Variants in PCDHGA5 observed in about 807,000 individuals in gnomAD.
PCDHGA5 encodes the protein protocadherin gamma-A5.
A neutral mutation model predicts 56.7 loss-of-function variants in PCDHGA5; 36 were observed. That is an observed-to-expected ratio of 0.64 (90% CI 0.49 to 0.84). The LOEUF is 0.84. Ranked by LOEUF, PCDHGA5 falls within the 40% of genes least tolerant of loss-of-function variation. PCDHGA5 has a pLI of 0.00. For synonymous variants in PCDHGA5, 563 were observed against 520.2 expected (o/e 1.08, Z -1.12); for missense variants, 1,305 against 1,201.5 (o/e 1.09, Z -1.27).
chr5:141,470,550 A>G (rs899475300), intron 1 of PCDHGA5, among the ~76,000 whole-genome samples: 1 of 152,120 alleles, frequency 6.6e-6, no homozygotes, highest in Non-Finnish European at 1.5e-5. Flanking sequence ...ATTTATTGAG[A>G]GTTTCCTCTG....
chr5:141,476,596 C>T lies in PCDHGA5; in HGVS notation c.2422-18211C>T. 1 of 1,614,224 alleles carries T rather than the reference C, an allele frequency of 6.2e-7. No homozygotes were observed. Among genetic ancestry groups the T allele is most frequent in the Non-Finnish European group, 8.5e-7 (1 of 1,180,038 alleles). On this transcript the variant is annotated intron_variant, in intron 1 of 3. Coordinates refer to ENST00000518069, the MANE Select transcript of PCDHGA5 (RefSeq NM_018918.3). The surrounding 1 kb of genome is among the most constrained non-coding windows in gnomAD (Gnocchi z 7.6). The stretch of plus-strand genomic sequence containing the variant: ...CGCGCTTTCCGCTCGAGAGCGCGCA[C>T]GATCCCGATGTGGGAAGCAACTCTT...
At chr5:141,430,931 G>C (rs781580216) in intron 1 of PCDHGA5, 2 of 1,607,530 alleles carry the variant, frequency 1.2e-6, no homozygotes, top group Admixed American at 1.7e-5. Flanking sequence ...GGAGCCCCGG[G>C]AGCTCGCGGA....
chr5:141,491,114 C>T lies in PCDHGA5; in HGVS notation c.2422-3693C>T, dbSNP rs1240431232. 1 of 1,614,104 alleles carries T rather than the reference C, an allele frequency of 6.2e-7. No homozygotes were observed. Among genetic ancestry groups the T allele is most frequent in the Admixed American group, 1.7e-5 (1 of 60,012 alleles). ...GGACTGTTCCTCGTGTCTACACACA[C>T]TGGTGAGGTGCGCACAGCCCGGGCC... On this transcript the variant is annotated intron_variant, in intron 1 of 3. Transcript: ENST00000518069. The surrounding 1 kb of genome is among the most constrained non-coding windows in gnomAD (Gnocchi z 6.9).
intron 1 of PCDHGA5, among the ~76,000 whole-genome samples, chr5:141,469,172 A>C (rs1310781965): frequency 6.6e-6 from 1 of 152,050 alleles, no homozygotes; most frequent in Admixed American, 6.6e-5. Context: ...GCTACTTGGG[A>C]GGCTGAGGCA....
intron 1 of PCDHGA5, chr5:141,424,783 T>C (rs1285808638): frequency 1.3e-5 from 2 of 152,212 alleles, no homozygotes; most frequent in African/African-American, 4.8e-5. Flanking sequence ...TACATTCAGT[T>C]CTTTTATTCA....
At chr5:141,465,293 G>A (rs1407146382) in intron 1 of PCDHGA5, among the ~76,000 whole-genome samples, 2 of 152,258 alleles carry the variant, frequency 1.3e-5, no homozygotes, top group South Asian at 2.1e-4. Flanking sequence ...AAAGAACTGA[G>A]AGTCCTGGGA....
At position 141,431,735 on chromosome 5, in the gene PCDHGA5, G is replaced by A. The variant is rs2097411908; in HGVS notation, c.2422-63072G>A. 1.2e-6 allele frequency: 2 copies of A among 1,614,118 alleles called. No homozygotes were observed. Among genetic ancestry groups the A allele is most frequent in the Non-Finnish European group, 1.7e-6 (2 of 1,180,056 alleles). On this transcript the variant is annotated intron_variant, in intron 1 of 3. Transcript: ENST00000518069. The surrounding 1 kb of genome is among the most constrained non-coding windows in gnomAD (Gnocchi z 4.8). ...GGAAGTGCAAGCAATGGATAATGCAGGATATTCTGCGCGAGCCAAAGTCCT... is the reference window on the plus strand; with the variant it reads ...GGAAGTGCAAGCAATGGATAATGCAAGATATTCTGCGCGAGCCAAAGTCCT...
intron 2 of PCDHGA5, among the ~76,000 whole-genome samples, chr5:141,502,828 G>T (rs928458403): frequency 6.6e-6 from 1 of 150,704 alleles, no homozygotes; most frequent in Non-Finnish European, 1.5e-5. Context: ...CCTTGGGGAA[G>T]CCTGGACTGG....
rs189405542 is a variant in PCDHGA5, at chr5:141,370,398, G to A, written c.2421+3647G>A. On this transcript the variant is annotated intron_variant, in intron 1 of 3. Transcript: ENST00000518069. ...AGGCAAAGGCGCAGAGAGCGGGATG[G>A]GAAATAGCTCCGGATGGAGGGGCCC... 5 of 1,550,336 alleles carry A rather than the reference G, an allele frequency of 3.2e-6. No individual in the cohort carries two copies. In the Admixed American group the frequency reaches 1.0e-4, roughly 32 times the overall value.
Position 141,491,456 on chromosome 5 carries a change from C to A in PCDHGA5, c.2422-3351C>A. ...TGCAGGCGCCAGGACTCACCCTCCC[C>A]GGACTTCTATAAGCAGTCCAGCCCC... On this transcript the variant is annotated intron_variant, in intron 1 of 3. Coordinates refer to ENST00000518069, the MANE Select transcript of PCDHGA5 (RefSeq NM_018918.3). The surrounding 1 kb of genome is among the most constrained non-coding windows in gnomAD (Gnocchi z 6.9). 1.2e-6 allele frequency: 2 copies of A among 1,614,104 alleles called. No homozygotes were observed.
At chr5:141,460,438 T>A (rs1035541143) in intron 1 of PCDHGA5, among the ~76,000 whole-genome samples, 16 of 152,172 alleles carry the variant, frequency 1.1e-4, no homozygotes, top group African/African-American at 3.1e-4. Flanking sequence ...TGGTGTGAGG[T>A]AACAATGAAG....
At chr5:141,461,185 C>T (rs2154567265) in intron 1 of PCDHGA5, among the ~76,000 whole-genome samples, 1 of 152,134 alleles carries the variant, frequency 6.6e-6, no homozygotes, top group East Asian at 1.9e-4. Context: ...AATGGTAGAT[C>T]TGTTTTTTGC....
At position 141,486,634 on chromosome 5, in the gene PCDHGA5, T is replaced by C; in HGVS notation, c.2422-8173T>C. 1 of 1,613,762 alleles carries C rather than the reference T, an allele frequency of 6.2e-7. No individual in the cohort carries two copies. The highest frequency in any genetic ancestry group is 8.5e-7 in the Non-Finnish European group (1 of 1,180,044). ...CCTCTGACCCAGACTCTGGCTTGAA[T>C]GCGCTTATCTCCTACTCACTCCTGG... On this transcript the variant is annotated intron_variant, in intron 1 of 3. Coordinates refer to ENST00000518069, the MANE Select transcript of PCDHGA5 (RefSeq NM_018918.3). The surrounding 1 kb of genome is among the most constrained non-coding windows in gnomAD (Gnocchi z 5.0).
chr5:141,486,844 C>T lies in PCDHGA5; in HGVS notation c.2422-7963C>T, dbSNP rs150549306. The T allele has an allele frequency of 1.1e-5, 17 of 1,614,220 alleles. No homozygotes were observed. The highest frequency in any genetic ancestry group is 1.4e-5 in the Non-Finnish European group (16 of 1,180,026). ...TAACAGTTCGTCTATTTGTGCTGGACCTCAATGACAATGCTCCAGCTGTGC... is the reference window on the plus strand; with the variant it reads ...TAACAGTTCGTCTATTTGTGCTGGATCTCAATGACAATGCTCCAGCTGTGC... On this transcript the variant is annotated intron_variant, in intron 1 of 3. Transcript: ENST00000518069. The surrounding 1 kb of genome is among the most constrained non-coding windows in gnomAD (Gnocchi z 5.0).
In PCDHGA5 at chr5:141,384,747, CTT is replaced by C. The variant is rs1040265836; in HGVS notation, c.2421+17998_2421+17999del. Reference sequence around the variant, plus strand: ...TGCTTAAGGCCAGCGAGCCAGGACTCTTTGCGGTTGGGCTGTACACGGGCGAG... The same window carrying C: ...TGCTTAAGGCCAGCGAGCCAGGACTCTGCGGTTGGGCTGTACACGGGCGAG... On this transcript the variant is annotated intron_variant, in intron 1 of 3. Coordinates refer to ENST00000518069, the MANE Select transcript of PCDHGA5 (RefSeq NM_018918.3). 2.2e-5 allele frequency: 35 copies of C among 1,614,060 alleles called. No individual in the cohort carries two copies. In the Admixed American group the frequency reaches 3.5e-4, roughly 16 times the overall value.
At chr5:141,413,687 T>A (rs1470256826) in intron 1 of PCDHGA5, 5 of 1,613,666 alleles carry the variant, frequency 3.1e-6, no homozygotes, top group Non-Finnish European at 3.4e-6. Flanking sequence ...GTGAACTCCC[T>A]GCAGAGCTAT....
intron 1 of PCDHGA5, among the ~76,000 whole-genome samples, chr5:141,380,225 C>T (rs1000476704): frequency 6.6e-6 from 1 of 152,124 alleles, no homozygotes; most frequent in Non-Finnish European, 1.5e-5. Context: ...TCTGATCAGG[C>T]TTCTGTTGAG....
intron 1 of PCDHGA5, chr5:141,405,358 A>G (rs567878422): frequency 6.2e-7 from 1 of 1,613,900 alleles, no homozygotes; most frequent in East Asian, 2.2e-5. Context: ...TTCCTATAGA[A>G]GACACCCCTT....
intron 1 of PCDHGA5, chr5:141,377,314 A>G (rs890147019): frequency 5.3e-5 from 8 of 152,110 alleles, no homozygotes; most frequent in African/African-American, 1.9e-4. Flanking sequence ...AAAGATCAAG[A>G]TCTTGGTTTT....
Sources: allele counts gnomAD v4.1 joint callset (sites outside exome capture counted in the v4.1 genomes callset), GRCh38; gene constraint gnomAD v4.1.1; non-coding constraint Gnocchi (gnomAD v3.1); transcripts MANE v1.5; gene names NCBI Gene and HGNC (gene_info 2026-07-23, HGNC 2026-07-21).